NUP160: variants seen among roughly 807,000 people sequenced by gnomAD.
NUP160 encodes the protein nucleoporin 160.
NUP160 carries 94 observed loss-of-function variants against 196.9 expected under a neutral mutation model. The ratio of observed to expected loss-of-function variants is 0.48; its 90% confidence interval spans 0.40 to 0.57. The LOEUF is 0.57. Ranked by LOEUF, NUP160 falls within the 20% of genes least tolerant of loss-of-function variation. The pLI is 0.00. For synonymous variants in NUP160, 605 were observed against 619.7 expected, an observed-to-expected ratio of 0.98 and a Z score of 0.35; for missense variants, 1,638 against 1,748.3, an observed-to-expected ratio of 0.94 and a Z score of 1.13.
chr11:47,800,806 A>G (rs570828270), intron 23 of NUP160, among the ~76,000 whole-genome samples: 2 of 152,340 alleles, frequency 1.3e-5, no homozygotes, highest in African/African-American at 4.8e-5. Context: ...AAATCCAGAT[A>G]AATTCTAGTC....
At chr11:47,801,074 G>A (rs150712906) in intron 23 of NUP160, among the ~76,000 whole-genome samples, 1 of 152,274 alleles carries the variant, frequency 6.6e-6, no homozygotes, top group Admixed American at 6.5e-5. Flanking sequence ...TGTTACAATG[G>A]AGTGACCAGA....
intron 27 of NUP160, among the ~76,000 whole-genome samples, chr11:47,793,260 C>T (rs1359317720): frequency 6.6e-6 from 1 of 152,190 alleles, no homozygotes. Flanking sequence ...GCTGGGATTA[C>T]AGGTGTGAGC....
chr11:47,832,376 C>T (rs550722463), intron 7 of NUP160, among the ~76,000 whole-genome samples: 373 of 152,200 alleles, frequency 2.5e-3, no homozygotes, highest in Middle Eastern at 0.014. Context: ...GAGAGGGGCC[C>T]GAATTCATAG....
At chr11:47,782,110 C>A (rs1333882470) in intron 34 of NUP160, among the ~76,000 whole-genome samples, 1 of 151,222 alleles carries the variant, frequency 6.6e-6, no homozygotes, top group African/African-American at 2.4e-5. Context: ...GGTGAAGCCC[C>A]ATCTCTACCA....
intron 8 of NUP160, 44 bp downstream of exon 8, chr11:47,822,043 T>C: frequency 7.6e-7 from 1 of 1,314,932 alleles, no homozygotes; most frequent in South Asian, 1.2e-5. Context: ...TCAATACTTC[T>C]TTTTCTTGTA....
intron 19 of NUP160, chr11:47,806,617 C>T (rs1468383969): frequency 1.4e-5 from 4 of 282,094 alleles, no homozygotes; most frequent in Non-Finnish European, 2.6e-5. Flanking sequence ...CCCAGGATTT[C>T]AACTTTTATA....
chr11:47,837,444 A>AT (rs1207941277), intron 5 of NUP160, 101 bp downstream of exon 5: 156 of 886,114 alleles, frequency 1.8e-4, no homozygotes, highest in Non-Finnish European at 2.3e-4. Context: ...CCTTTCCAGT[A>AT]TAATGTTTGC....
In NUP160 at chr11:47,792,001, A is replaced by T; in HGVS notation, c.3451-11T>A. ...TCCAGGGCGATCATACTGATAAAACAAAACAAGCAATTTAACTGTGAAAAT... is the reference window on the plus strand; with the variant it reads ...TCCAGGGCGATCATACTGATAAAACTAAACAAGCAATTTAACTGTGAAAAT... On this transcript the variant is annotated splice_polypyrimidine_tract_variant and intron_variant, in intron 28 of 35. Transcript: ENST00000378460. 6.3e-7 allele frequency: 1 copy of T among 1,590,228 alleles called. No individual in the cohort carries two copies. The highest frequency in any genetic ancestry group is 1.1e-5 in the South Asian group (1 of 89,118).
chr11:47,822,746 T>C (rs1402190956), intron 7 of NUP160, among the ~76,000 whole-genome samples: 1 of 152,182 alleles, frequency 6.6e-6, no homozygotes, highest in Admixed American at 6.6e-5. Context: ...CAGGTGCCAG[T>C]GTGTGACGTT....
chr11:47,813,313 T>C lies in NUP160; in HGVS notation c.1786+3A>G. 6.4e-7 allele frequency: 1 copy of C among 1,553,784 alleles called. No individual in the cohort carries two copies. Among genetic ancestry groups the C allele is most frequent in the Non-Finnish European group, 8.9e-7 (1 of 1,125,122 alleles). On this transcript the variant is annotated splice_donor_region_variant and intron_variant, in intron 14 of 35. Coordinates refer to ENST00000378460, the Ensembl canonical transcript of NUP160. Reference sequence around the variant, plus strand: ...TAAATATGGACATAACAATTACTATTACCATCAGATATGGTTGTCTCATCT... The same window carrying C: ...TAAATATGGACATAACAATTACTATCACCATCAGATATGGTTGTCTCATCT...
At chr11:47,810,455 T>G (rs1417549728) in intron 17 of NUP160, among the ~76,000 whole-genome samples, 1 of 152,112 alleles carries the variant, frequency 6.6e-6, no homozygotes, top group Non-Finnish European at 1.5e-5. Context: ...CCTCCCAAAG[T>G]GCTGGGACTA....
chr11:47,837,825 A>C (rs1852206214), intron 4 of NUP160, among the ~76,000 whole-genome samples: 3 of 152,234 alleles, frequency 2.0e-5, no homozygotes, highest in Admixed American at 2.0e-4. Context: ...TAGCATTTTT[A>C]TACTTCTCAT....
At chr11:47,807,950 T>C (rs1296187391) in intron 18 of NUP160, among the ~76,000 whole-genome samples, 1 of 152,242 alleles carries the variant, frequency 6.6e-6, no homozygotes, top group South Asian at 2.1e-4. Context: ...AAAAGCTCTC[T>C]GAATCTTAAT....
chr11:47,801,906 C>T, exon 23 of NUP160: 3 of 1,613,794 alleles, frequency 1.9e-6, no homozygotes, highest in South Asian at 2.2e-5. Flanking sequence ...ACTTCAGATG[C>T]TGCCTGACAA....
chr11:47,839,916 C>A lies in NUP160; in HGVS notation c.675G>T (p.Gly225=), dbSNP rs370579958. The A allele has an allele frequency of 5.6e-6, 9 of 1,613,986 alleles. No individual in the cohort carries two copies. In the African/African-American group the frequency reaches 8.0e-5, roughly 14 times the overall value. ...CACATGGTAAGGCAAACAGGGCCTCCCCATCACTGCTGAGCCAGGCTGTAG... is the reference window on the plus strand; with the variant it reads ...CACATGGTAAGGCAAACAGGGCCTCACCATCACTGCTGAGCCAGGCTGTAG... Residue 225 remains glycine, a synonymous_variant, in exon 4 of 36, where the codon GGG becomes GGT. Transcript: ENST00000378460.
rs1370880987 is a variant in NUP160 at position 47,788,159 on chromosome 11, T to C, written c.3746+23A>G. ...AATATATTTGCATTAGAAAAGACTA[T>C]AAAAAAATAATTTTATACATACTTG... is the stretch of plus-strand genomic sequence containing the variant. On this transcript the variant is annotated intron_variant, in intron 31 of 35. Coordinates refer to ENST00000378460, the Ensembl canonical transcript of NUP160. 5 of 1,592,818 alleles carry C rather than the reference T, an allele frequency of 3.1e-6. No individual in the cohort carries two copies. In the Admixed American group the frequency reaches 5.3e-5, roughly 17 times the overall value.
At chr11:47,813,024 T>C (rs1210989466) in exon 15 of NUP160, 5 of 1,610,622 alleles carry the variant, frequency 3.1e-6, no homozygotes, top group Admixed American at 1.7e-5. Flanking sequence ...ATAAGACATA[T>C]GACATCCCGA....
rs376122350 is a variant in NUP160 at position 47,804,636 on chromosome 11, A to G, written c.2607-18T>C. On this transcript the variant is annotated intron_variant, in intron 20 of 35. Coordinates refer to ENST00000378460, the Ensembl canonical transcript of NUP160. ...TAGGCCATCTAGTCATTGGTTAAGG[A>G]TATTTCTTAATTTTTGTTGGCAAAT... 6.7e-7 allele frequency: 1 copy of G among 1,492,872 alleles called. No homozygotes were observed. The allele number at this position is 1,492,872 out of a possible 1,614,324, so 92.5% of individuals were successfully genotyped here.
At chr11:47,779,076 C>T (rs80090905) in exon 36 of NUP160, 72,506 of 1,533,820 alleles carry the variant, frequency 0.047, 1,926 homozygotes, top group Middle Eastern at 0.061. Flanking sequence ...AGGCACCAAG[C>T]GGTTACAAAG....
Sources: allele counts gnomAD v4.1 joint callset (sites outside exome capture counted in the v4.1 genomes callset), GRCh38; gene constraint gnomAD v4.1.1; transcripts MANE v1.5; gene names NCBI Gene and HGNC (gene_info 2026-07-23, HGNC 2026-07-21).